Variants in ZBTB20 observed in about 807,000 individuals in gnomAD.
ZBTB20 encodes the protein zinc finger and BTB domain containing 20, also known as zinc finger and BTB domain-containing protein 20.
A neutral mutation model predicts 56.9 loss-of-function variants in ZBTB20; 9 were observed. The observed-to-expected ratio is 0.16, with a 90% confidence interval of 0.10 to 0.28. ZBTB20 has a LOEUF of 0.28. ZBTB20 is among the 10% of genes least tolerant of loss of function. The pLI, the probability that ZBTB20 is intolerant of heterozygous loss-of-function variation, is 1.00. For missense variants in ZBTB20, 655 were observed against 1,003.0 expected (o/e 0.65, Z 4.69); for synonymous variants, 417 against 420.7 (o/e 0.99, Z 0.11).
intron 6 of ZBTB20, among the ~76,000 whole-genome samples, chr3:114,690,254 C>T (rs1301585088): frequency 6.6e-6 from 1 of 152,078 alleles, no homozygotes; most frequent in East Asian, 1.9e-4. Flanking sequence ...GGGTTAGGCA[C>T]ATCAATATTC....
At chr3:114,363,849 T>C (rs1247817188) in intron 10 of ZBTB20, among the ~76,000 whole-genome samples, 1 of 152,192 alleles carries the variant, frequency 6.6e-6, no homozygotes, top group Non-Finnish European at 1.5e-5. Context: ...CACTTACTGC[T>C]CCCTAAAGTG....
intron 7 of ZBTB20, among the ~76,000 whole-genome samples, chr3:114,494,521 TTC>T: frequency 6.6e-6 from 1 of 152,236 alleles, no homozygotes. Context: ...TCTTGTCTCA[TTC>T]CTTATAATTC....
chr3:114,828,778 TAA>T lies in ZBTB20; in HGVS notation c.-416-27606_-416-27605del, dbSNP rs747349213. ...AATTCTGAGGTTGACTATGGAATGC[TAA>T]GTCTTTGAAGGCACTTCCAATTTGG... On this transcript the variant is annotated intron_variant, in intron 4 of 11. Transcript: ENST00000675478. 1.5e-4 allele frequency among the ~76,000 whole-genome samples: 23 copies of T among 151,910 alleles called. 1 individual carries two copies. The highest frequency in any genetic ancestry group is 2.9e-5 in the Non-Finnish European group (2 of 67,858).
chr3:114,980,137 C>T (rs1026704891), intron 2 of ZBTB20, among the ~76,000 whole-genome samples: 7 of 151,900 alleles, frequency 4.6e-5, no homozygotes, highest in Admixed American at 2.0e-4. Flanking sequence ...AAAAGTAACC[C>T]GAGCCCTTCC....
At chr3:115,133,935 A>G (rs1179729287) in intron 1 of ZBTB20, among the ~76,000 whole-genome samples, 1 of 152,124 alleles carries the variant, frequency 6.6e-6, no homozygotes, top group Non-Finnish European at 1.5e-5. Context: ...TTGCTTTATC[A>G]TCTTCACAAG....
At chr3:114,665,762 T>G (rs887071993) in intron 6 of ZBTB20, among the ~76,000 whole-genome samples, 1 of 152,018 alleles carries the variant, frequency 6.6e-6, no homozygotes, top group Non-Finnish European at 1.5e-5. Context: ...TAACAATTCA[T>G]TGAACATGAG....
At chr3:114,568,462 A>T (rs2053048520) in intron 6 of ZBTB20, among the ~76,000 whole-genome samples, 1 of 152,218 alleles carries the variant, frequency 6.6e-6, no homozygotes, top group African/African-American at 2.4e-5. Context: ...AATGCTTAAT[A>T]CAGTAAGAGT....
chr3:115,097,180 T>G (rs1411395438), intron 1 of ZBTB20, among the ~76,000 whole-genome samples: 1 of 152,176 alleles, frequency 6.6e-6, no homozygotes, highest in Non-Finnish European at 1.5e-5. Flanking sequence ...TATTTGATTT[T>G]ATTTATTTAT....
At chr3:114,938,447 G>T (rs1339217099) in intron 3 of ZBTB20, among the ~76,000 whole-genome samples, 1 of 146,184 alleles carries the variant, frequency 6.8e-6, no homozygotes. Context: ...TGATAGACTG[G>T]ATAAAGAAAA....
chr3:114,925,880 T>C (rs866099034), intron 3 of ZBTB20, among the ~76,000 whole-genome samples: 3 of 152,186 alleles, frequency 2.0e-5, no homozygotes, highest in African/African-American at 7.2e-5. Context: ...ACTCCAGACT[T>C]GGAGTCCTTA....
At chr3:114,576,848 T>C (rs146666471) in intron 6 of ZBTB20, among the ~76,000 whole-genome samples, 19 of 151,912 alleles carry the variant, frequency 1.3e-4, no homozygotes, top group African/African-American at 4.1e-4. Flanking sequence ...CATAAAAACA[T>C]AGAAAATATA....
rs1158359031 is a variant in ZBTB20 at position 114,324,308 on chromosome 3, A to G, written c.*14697T>C. 6.6e-6 allele frequency: 1 copy of G among 152,212 alleles called. No individual in the cohort carries two copies. Among genetic ancestry groups the G allele is most frequent in the Non-Finnish European group, 1.5e-5 (1 of 68,030 alleles). The allele number at this position is 152,212 out of a possible 1,614,324, so 9.4% of individuals were successfully genotyped here. A position where few individuals can be genotyped will look rare whatever the true frequency, so the allele number is the denominator to read the frequency against. On this transcript the variant is annotated 3_prime_UTR_variant, in exon 12 of 12. Coordinates refer to ENST00000675478, the MANE Select transcript of ZBTB20 (RefSeq NM_001348800.3). ...AAGGGGAATGGGTTCAGAAAAAGAT[A>G]AAGCTTTCCTGTTTCTTGAAACACG...
chr3:115,021,421 GTACACATA>G (rs1576584940), intron 2 of ZBTB20, among the ~76,000 whole-genome samples: 2 of 150,896 alleles, frequency 1.3e-5, no homozygotes, highest in East Asian at 3.9e-4. Flanking sequence ...GTATCTGTGT[GTACACATA>G]TACACGTAAA....
intron 1 of ZBTB20, among the ~76,000 whole-genome samples, chr3:115,109,570 AAGACAC>A (rs1209337775): frequency 6.6e-6 from 1 of 152,190 alleles, no homozygotes; most frequent in Admixed American, 6.5e-5. Context: ...AAGAGGCCCA[AAGACAC>A]AGACCTAATA....
chr3:114,743,994 A>G (rs1159683200), intron 5 of ZBTB20, among the ~76,000 whole-genome samples: 1 of 152,156 alleles, frequency 6.6e-6, no homozygotes, highest in East Asian at 1.9e-4. Context: ...GTCAAAGAGA[A>G]AGCAAGGAGT....
chr3:114,765,588 A>G (rs2068732751), intron 5 of ZBTB20, among the ~76,000 whole-genome samples: 1 of 151,922 alleles, frequency 6.6e-6, no homozygotes, highest in Admixed American at 6.6e-5. Flanking sequence ...CTGTGATCCA[A>G]TAAATCTCTG....
chr3:114,606,327 G>A (rs2057149855), intron 6 of ZBTB20, among the ~76,000 whole-genome samples: 3 of 152,008 alleles, frequency 2.0e-5, no homozygotes, highest in Non-Finnish European at 4.4e-5. Context: ...GCACACCCCT[G>A]CTTGTTAAAA....
intron 2 of ZBTB20, among the ~76,000 whole-genome samples, chr3:115,024,722 A>T (rs1291312881): frequency 6.6e-6 from 1 of 151,078 alleles, no homozygotes; most frequent in Non-Finnish European, 1.5e-5. Flanking sequence ...AACTTTCCTC[A>T]TACACTTCAA....
chr3:115,066,115 C>G (rs994706590), intron 2 of ZBTB20, among the ~76,000 whole-genome samples: 2 of 152,140 alleles, frequency 1.3e-5, no homozygotes, highest in Non-Finnish European at 2.9e-5. Flanking sequence ...AACTTTTACT[C>G]TTTCAGGTTA....
Sources: gnomAD v4.1 joint callset for allele counts (sites outside exome capture counted in the v4.1 genomes callset) on GRCh38, gnomAD v4.1.1 for gene constraint, MANE v1.5 for transcripts, NCBI Gene and HGNC (gene_info 2026-07-23, HGNC 2026-07-21) for gene names.